The following TMEM132C variants were observed in gnomAD, a reference collection of about 807,000 sequenced individuals.
The protein encoded by TMEM132C is transmembrane protein 132C.
A neutral mutation model predicts 61.4 loss-of-function variants in TMEM132C; 29 were observed. The observed-to-expected ratio is 0.47, with a 90% CI of 0.35 to 0.64. The LOEUF (loss-of-function observed/expected upper bound fraction) is 0.64, where lower values mean the gene tolerates loss of function less well. Among genes scored for constraint, TMEM132C ranks in the 30% least tolerant of loss-of-function variants. The pLI is 0.00. For missense variants in TMEM132C, 1,408 were observed against 1,476.9 expected (o/e 0.95, Z 0.76); for synonymous variants, 656 against 633.1 (o/e 1.04, Z -0.54).
intron 4 of TMEM132C, among the ~76,000 whole-genome samples, chr12:128,648,981 A>G (rs980979403): frequency 1.3e-5 from 2 of 150,726 alleles, no homozygotes; most frequent in African/African-American, 5.0e-5. Flanking sequence ...TGTTTAGCTC[A>G]GTCCATCAGC....
Position 128,426,751 on chromosome 12 carries a change from C to T in TMEM132C, c.974+11131C>T, listed in dbSNP as rs150208306. The stretch of plus-strand genomic sequence containing the variant: ...CTGGGTTGCCAGGCAGCCCAGCTCC[C>T]GTGAAACATTGGAGAGTGATTTTAC... On this transcript the variant is annotated intron_variant, in intron 2 of 8. Coordinates refer to ENST00000435159, the MANE Select transcript of TMEM132C (RefSeq NM_001136103.3). Among the ~76,000 whole-genome samples the T allele has an allele frequency of 3.9e-3, 588 of 152,194 alleles. 4 individuals carry two copies. Among genetic ancestry groups the T allele is most frequent in the South Asian group, 0.022 (106 of 4,814 alleles).
At chr12:128,511,657 C>T (rs1872570336) in intron 2 of TMEM132C, among the ~76,000 whole-genome samples, 1 of 152,222 alleles carries the variant, frequency 6.6e-6, no homozygotes, top group Admixed American at 6.5e-5. Context: ...TCACCTGAAC[C>T]TTGGGGTCCT....
Position 128,603,873 on chromosome 12 carries a change from A to G in TMEM132C, c.1122-12279A>G, listed in dbSNP as rs191427236. Among the ~76,000 whole-genome samples the G allele has an allele frequency of 3.3e-5, 5 of 152,292 alleles. No homozygotes were observed. The East Asian group carries it at 9.7e-4, about 29-fold the overall frequency. On this transcript the variant is annotated intron_variant, in intron 3 of 8. Coordinates refer to ENST00000435159, the MANE Select transcript of TMEM132C (RefSeq NM_001136103.3). ...GCCCTGAGAAACAAAGCTAGAAACAAAGACTTCTATGTCCTTAAGGAAAGG... is the reference window on the plus strand; with the variant it reads ...GCCCTGAGAAACAAAGCTAGAAACAGAGACTTCTATGTCCTTAAGGAAAGG...
chr12:128,340,130 A>T (rs1183752124), intron 1 of TMEM132C, among the ~76,000 whole-genome samples: 1 of 152,208 alleles, frequency 6.6e-6, no homozygotes, highest in Non-Finnish European at 1.5e-5. Flanking sequence ...TTTCCTTGGC[A>T]AGGACACGCT....
chr12:128,476,541 C>G (rs563964815), intron 2 of TMEM132C, among the ~76,000 whole-genome samples: 1 of 152,308 alleles, frequency 6.6e-6, no homozygotes, highest in South Asian at 2.1e-4. Flanking sequence ...AAAAAAGCCT[C>G]CTGTCTGATC....
At position 128,464,762 on chromosome 12, in the gene TMEM132C, CAGAA is replaced by C. The variant is rs35359461; in HGVS notation, c.974+49162_974+49165del. Among the ~76,000 whole-genome samples, 17 of 127,774 alleles carry C rather than the reference CAGAA, an allele frequency of 1.3e-4. 1 individual carries two copies. The highest frequency in any genetic ancestry group is 5.7e-4 in the East Asian group (2 of 3,504). 83.8% of individuals were successfully genotyped at this position (127,774 alleles called of 152,430 possible). ...CCTGGGCAGCAGAGAAAGACCCTGTCAGAAAGAAAGAAAGAAAGAAAGAGAGAAA... is the reference window on the plus strand; with the variant it reads ...CCTGGGCAGCAGAGAAAGACCCTGTCAGAAAGAAAGAAAGAAAGAGAGAAA... On this transcript the variant is annotated intron_variant, in intron 2 of 8. Coordinates refer to ENST00000435159, the MANE Select transcript of TMEM132C (RefSeq NM_001136103.3).
intron 2 of TMEM132C, among the ~76,000 whole-genome samples, chr12:128,470,573 C>A (rs1870915989): frequency 6.6e-6 from 1 of 152,124 alleles, no homozygotes; most frequent in African/African-American, 2.4e-5. Flanking sequence ...TTCATAAAAC[C>A]AGCATGGGTC....
At chr12:128,643,546 T>C (rs1009097622) in intron 4 of TMEM132C, among the ~76,000 whole-genome samples, 1 of 151,520 alleles carries the variant, frequency 6.6e-6, no homozygotes, top group Non-Finnish European at 1.5e-5. Flanking sequence ...ACACGTCCAT[T>C]TGGGGCCCCA....
chr12:128,461,874 G>A (rs997616272), intron 2 of TMEM132C, among the ~76,000 whole-genome samples: 2 of 152,026 alleles, frequency 1.3e-5, no homozygotes, highest in Non-Finnish European at 2.9e-5. Flanking sequence ...CCTAACCTAG[G>A]ACCTGCTCAT....
chr12:128,359,494 G>T (rs773694148), intron 1 of TMEM132C, among the ~76,000 whole-genome samples: 1 of 152,156 alleles, frequency 6.6e-6, no homozygotes, highest in African/African-American at 2.4e-5. Context: ...TTTGGGTGGC[G>T]ACACAGCCAA....
intron 2 of TMEM132C, among the ~76,000 whole-genome samples, chr12:128,496,345 C>A (rs184316803): frequency 0.011 from 1,711 of 152,092 alleles, 40 homozygotes; most frequent in African/African-American, 0.039. Flanking sequence ...ATCTTTGTGG[C>A]GTTCTCTGTA....
intron 2 of TMEM132C, among the ~76,000 whole-genome samples, chr12:128,470,946 A>C (rs77876918): frequency 6.6e-6 from 1 of 152,082 alleles, no homozygotes; most frequent in Non-Finnish European, 1.5e-5. Flanking sequence ...TGAACCATGC[A>C]TGTTTTCTGT....
At chr12:128,335,570 CTT>C (rs1158592807) in intron 1 of TMEM132C, among the ~76,000 whole-genome samples, 1 of 152,202 alleles carries the variant, frequency 6.6e-6, no homozygotes, top group East Asian at 1.9e-4. Context: ...TGAATAACCT[CTT>C]TTGATTATCA....
At chr12:128,600,564 T>G (rs1876147280) in intron 3 of TMEM132C, among the ~76,000 whole-genome samples, 3 of 152,126 alleles carry the variant, frequency 2.0e-5, no homozygotes, top group African/African-American at 7.2e-5. Context: ...CATGCCTGCT[T>G]GGGAAACACC....
chr12:128,615,141 A>T (rs1291302608), intron 3 of TMEM132C, among the ~76,000 whole-genome samples: 1 of 152,192 alleles, frequency 6.6e-6, no homozygotes, highest in Non-Finnish European at 1.5e-5. Context: ...GGTTCTGAGA[A>T]TGTAGTTTAG....
intron 2 of TMEM132C, among the ~76,000 whole-genome samples, chr12:128,429,493 G>A (rs1421077767): frequency 1.3e-5 from 2 of 152,150 alleles, no homozygotes; most frequent in African/African-American, 4.8e-5. Flanking sequence ...GCTGCTAAGA[G>A]CTCTCTGCTG....
intron 1 of TMEM132C, among the ~76,000 whole-genome samples, chr12:128,404,055 C>T (rs1487368114): frequency 6.6e-6 from 1 of 152,138 alleles, no homozygotes; most frequent in South Asian, 2.1e-4. Flanking sequence ...ACAGCCCCCT[C>T]CCAGTTGTGA....
intron 1 of TMEM132C, among the ~76,000 whole-genome samples, chr12:128,375,642 G>A (rs1307364037): frequency 6.6e-6 from 1 of 152,116 alleles, no homozygotes; most frequent in Non-Finnish European, 1.5e-5. Flanking sequence ...AATTACATCT[G>A]CAAAGACCCT....
intron 1 of TMEM132C, among the ~76,000 whole-genome samples, chr12:128,273,872 G>T (rs904024937): frequency 6.6e-6 from 1 of 152,068 alleles, no homozygotes; most frequent in Non-Finnish European, 1.5e-5. Context: ...CGTACCCTAG[G>T]TGTGACTGGG....
Sources: gnomAD v4.1 joint callset for allele counts (sites outside exome capture counted in the v4.1 genomes callset) on GRCh38, gnomAD v4.1.1 for gene constraint, MANE v1.5 for transcripts, NCBI Gene and HGNC (gene_info 2026-07-23, HGNC 2026-07-21) for gene names.